Variants in SEMA4C observed in about 807,000 individuals in gnomAD.
SEMA4C encodes semaphorin 4C, also known as semaphorin-4C.
A neutral mutation model predicts 89.0 loss-of-function variants in SEMA4C; 19 were observed. The ratio of observed to expected loss-of-function variants is 0.21; its 90% CI spans 0.15 to 0.31. SEMA4C has a LOEUF of 0.31. Ranked by LOEUF, SEMA4C falls within the 10% of genes least tolerant of loss-of-function variation. The pLI, the probability that SEMA4C is intolerant of heterozygous loss-of-function variation, is 1.00. For synonymous variants in SEMA4C, 428 were observed against 472.7 expected (o/e 0.91, Z 1.23); for missense variants, 811 against 1,107.0 (o/e 0.73, Z 3.79).
chr2:96,866,857 T>C (rs1043739293), intron 2 of SEMA4C: 12 of 350,484 alleles, frequency 3.4e-5, no homozygotes, highest in Admixed American at 1.5e-4. Flanking sequence ...CAGACGGCTA[T>C]GAGTACTCCC....
chr2:96,868,958 G>A, intron 1 of SEMA4C: 1 of 985,384 alleles, frequency 1.0e-6, no homozygotes, highest in Non-Finnish European at 1.2e-6. Context: ...CTGGGGACCT[G>A]CTCACCCCCA....
chr2:96,868,462 C>T (rs1574157380), intron 1 of SEMA4C: 1 of 995,686 alleles, frequency 1.0e-6, no homozygotes, highest in South Asian at 4.4e-5. Context: ...GGCCTGTCCC[C>T]TTCCCCAGCG....
chr2:96,866,769 C>T (rs1462660387), intron 2 of SEMA4C: 6 of 424,504 alleles, frequency 1.4e-5, no homozygotes, highest in Non-Finnish European at 2.7e-5. Context: ...CCCACCCCAC[C>T]TTCGCTTCCT....
In SEMA4C at chr2:96,864,900, C is replaced by A; in HGVS notation, c.787-20G>T. Reference sequence around the variant, plus strand: ...ATCGCCCTGGCAGACGGCAAGGGGACACTGCCGGTCAGCCCCGCTGGGCCA... The same window carrying A: ...ATCGCCCTGGCAGACGGCAAGGGGAAACTGCCGGTCAGCCCCGCTGGGCCA... On this transcript the variant is annotated intron_variant, in intron 8 of 14. Coordinates refer to ENST00000305476, the MANE Select transcript of SEMA4C (RefSeq NM_017789.5). This position sits in a 1 kb window ranked among gnomAD's most constrained non-coding sequence, Gnocchi z 6.3. The A allele has an allele frequency of 6.2e-7, 1 of 1,611,956 alleles. No individual in the cohort carries two copies. The highest frequency in any genetic ancestry group is 8.5e-7 in the Non-Finnish European group (1 of 1,179,076).
At position 96,863,262 on chromosome 2, in the gene SEMA4C, G is replaced by A; in HGVS notation, c.1443+420C>T. The A allele has an allele frequency of 6.9e-6, 7 of 1,016,316 alleles. 1 individual carries two copies. The South Asian group carries it at 2.8e-4, about 41-fold the overall frequency. 63.0% of individuals were successfully genotyped at this position (1,016,316 alleles called of 1,614,324 possible). The stretch of plus-strand genomic sequence containing the variant: ...AAGGGTATAATGCAAGCACTTCAGG[G>A]AAACAGTCACGGAAATGGGGGCTGG... On this transcript the variant is annotated intron_variant, in intron 12 of 14. Coordinates refer to ENST00000305476, the MANE Select transcript of SEMA4C (RefSeq NM_017789.5).
intron 12 of SEMA4C, 183 bp downstream of exon 12, chr2:96,863,499 T>C (rs1466024622): frequency 2.2e-6 from 2 of 889,530 alleles, no homozygotes; most frequent in African/African-American, 3.6e-5. Context: ...GCAGATTCCA[T>C]TCTGTTTTCA....
intron 1 of SEMA4C, 157 bp downstream of exon 1, chr2:96,869,719 G>A (rs903198312): frequency 2.0e-6 from 2 of 985,116 alleles, no homozygotes; most frequent in African/African-American, 3.5e-5. Context: ...GGGGGTCGCA[G>A]GAAGGATCCC....
intron 4 of SEMA4C, 23 bp from the exon 5 acceptor site, chr2:96,865,787 T>C (rs1359662051): frequency 6.2e-7 from 1 of 1,613,800 alleles, no homozygotes; most frequent in East Asian, 2.2e-5. Context: ...AGGTGTCCGG[T>C]TAGTGAGAGC....
rs1430669616 is a variant in SEMA4C at position 96,869,984 on chromosome 2, C to T, written c.-146G>A. 2 of 986,256 alleles carry T rather than the reference C, an allele frequency of 2.0e-6. No individual in the cohort carries two copies. The highest frequency in any genetic ancestry group is 6.2e-5 in the Admixed American group (1 of 16,216). 61.1% of individuals were successfully genotyped at this position (986,256 alleles called of 1,614,324 possible). Reference sequence around the variant, plus strand: ...TGCCCGCGCTCGCCCGCCAGCCCTCCGCGGCCTCTCTGCCACCGCCCCTCC... The same window carrying T: ...TGCCCGCGCTCGCCCGCCAGCCCTCTGCGGCCTCTCTGCCACCGCCCCTCC... On this transcript the variant is annotated 5_prime_UTR_variant, in exon 1 of 15. Coordinates refer to ENST00000305476, the MANE Select transcript of SEMA4C (RefSeq NM_017789.5).
At chr2:96,870,170 A>C (rs1031025787), upstream of SEMA4C, 1 of 983,606 alleles carries the variant, frequency 1.0e-6, no homozygotes, top group Non-Finnish European at 1.2e-6. Context: ...AGGCTCGCTC[A>C]GGAGGGGGCT....
intron 2 of SEMA4C, 110 bp downstream of exon 2, chr2:96,867,668 G>A (rs2080111408): frequency 8.7e-7 from 1 of 1,147,458 alleles, no homozygotes; most frequent in African/African-American, 1.6e-5. Context: ...CTTCCAACTC[G>A]AGTTTCTTAG....
chr2:96,861,939 A>AC lies in SEMA4C; in HGVS notation c.1444-46dup, dbSNP rs2079955979. The AC allele has an allele frequency of 6.4e-7, 1 of 1,561,550 alleles. No individual in the cohort carries two copies. Among genetic ancestry groups the AC allele is most frequent in the South Asian group, 1.2e-5 (1 of 86,296 alleles). On this transcript the variant is annotated intron_variant, in intron 12 of 14. Coordinates refer to ENST00000305476, the MANE Select transcript of SEMA4C (RefSeq NM_017789.5). This position sits in a 1 kb window ranked among gnomAD's most constrained non-coding sequence, Gnocchi z 7.8. ...CAGGAGGGGGGTCGGCCAGGGCCAC[A>AC]CCACGGGAGGGGCGGCCGGACCAGA...
chr2:96,861,734 C>T lies in SEMA4C; in HGVS notation c.1601+3G>A. On this transcript the variant is annotated splice_donor_region_variant and intron_variant, in intron 13 of 14. Coordinates refer to ENST00000305476, the MANE Select transcript of SEMA4C (RefSeq NM_017789.5). This position sits in a 1 kb window ranked among gnomAD's most constrained non-coding sequence, Gnocchi z 7.8. Reference sequence around the variant, plus strand: ...GTCCTGGCCTATGTAGAGCCCAACTCACCCAGAGTGGCCACCCACGGCCAC... The same window carrying T: ...GTCCTGGCCTATGTAGAGCCCAACTTACCCAGAGTGGCCACCCACGGCCAC... The T allele has an allele frequency of 6.2e-7, 1 of 1,613,588 alleles. No individual in the cohort carries two copies. Among genetic ancestry groups the T allele is most frequent in the Non-Finnish European group, 8.5e-7 (1 of 1,179,870 alleles).
chr2:96,864,361 G>A lies in SEMA4C; in HGVS notation c.984C>T (p.Ala328=). The part of the protein sequence containing the change: ...QAQWGDMYLS[A]ICEYQLEEIQ... ...TCTCTTCCAACTGGTACTCACAGAT[G>A]GCCGACAGGTACATGTCACCCCTGT... Residue 328 remains alanine (A), a synonymous_variant, in exon 10 of 15, where the codon GCC becomes GCT. Coordinates refer to ENST00000305476, the MANE Select transcript of SEMA4C (RefSeq NM_017789.5). The surrounding 1 kb of genome is among the most constrained non-coding windows in gnomAD (Gnocchi z 6.3). 6 of 1,613,816 alleles carry A rather than the reference G, an allele frequency of 3.7e-6. No homozygotes were observed. Among genetic ancestry groups the A allele is most frequent in the Non-Finnish European group, 5.1e-6 (6 of 1,180,006 alleles).
intron 1 of SEMA4C, chr2:96,869,195 C>T (rs2080151530): frequency 2.0e-6 from 2 of 985,394 alleles, no homozygotes; most frequent in South Asian, 9.4e-5. Context: ...ACCCGAGGAT[C>T]GGGCCGCACC....
upstream of SEMA4C, chr2:96,870,714 C>A (rs993661873): frequency 1.0e-6 from 1 of 985,518 alleles, no homozygotes; most frequent in Non-Finnish European, 1.2e-6. Context: ...GAAAATGACT[C>A]CTCGTGCCAC....
Position 96,860,732 on chromosome 2 carries a change from C to G in SEMA4C, c.2396G>C (p.Arg799Pro). Residue 799 changes from arginine to proline, a missense_variant, in exon 15 of 15, where the codon CGG (arginine) becomes CCG (proline). By Grantham distance (103) the Arg-to-Pro change is moderately radical. This residue lies in a region of SEMA4C where 248 missense variants were observed against 269.0 expected (regional missense o/e 0.92). Transcript: ENST00000305476. ...AGGCAGGGGGTGCCCGAGCCCTCCC[C>G]GGTCCTCCCCTCCTAGTTGTAAGCG... ...YVRLQLGGED[R>P]GGLGHPLPEL... 6.2e-7 allele frequency: 1 copy of G among 1,613,806 alleles called. No homozygotes were observed. The highest frequency in any genetic ancestry group is 8.5e-7 in the Non-Finnish European group (1 of 1,179,986).
Position 96,863,776 on chromosome 2 carries a change from T to C in SEMA4C, c.1349A>G (p.Lys450Arg), listed in dbSNP as rs1343093624. The C allele has an allele frequency of 6.2e-7, 1 of 1,613,846 alleles. No homozygotes were observed. Among genetic ancestry groups the C allele is most frequent in the East Asian group, 2.2e-5 (1 of 44,892 alleles). ...FIGTGDGWLL[K>R]AVSLGPWVHL... ...AACCCAGGGCCCCAGGCTCACAGCC[T>C]TGAGCAGCCAGCCGTCTCCTGGGGG... The change falls in exon 12 of 15, where the codon AAG (lysine) becomes AGG (arginine). Residue 450 changes from lysine (K) to arginine (R), a missense_variant. By Grantham distance (26) the Lys-to-Arg change is conservative (BLOSUM62 2). This residue lies in a region of SEMA4C where 441 missense variants were observed against 664.9 expected (regional missense o/e 0.66). Transcript: ENST00000305476.
chr2:96,868,813 A>ACCCGCTGCGCT (rs1409890074), intron 1 of SEMA4C: 13 of 985,010 alleles, frequency 1.3e-5, no homozygotes, highest in Non-Finnish European at 1.6e-5. Flanking sequence ...CACGGCCGGC[A>ACCCGCTGCGCT]CCCGCTGCGC....
Sources: gnomAD v4.1 joint callset for allele counts on GRCh38, gnomAD v4.1.1 for gene constraint, gnomAD v4.1.1 regional missense constraint, Gnocchi (gnomAD v3.1) non-coding constraint, MANE v1.5 for transcripts, NCBI Gene and HGNC (gene_info 2026-07-23, HGNC 2026-07-21) for gene names.